The following MEIS2 variants were observed in gnomAD, a reference collection of about 807,000 sequenced individuals.
MEIS2 encodes the protein Meis homeobox 2, also known as homeobox protein Meis2.
MEIS2 carries 9 observed loss-of-function variants against 58.6 expected under a neutral mutation model. That is an observed-to-expected ratio of 0.15 (90% CI 0.09 to 0.27). The LOEUF is 0.27. MEIS2 is among the 10% of genes least tolerant of loss of function. MEIS2 has a pLI of 1.00. For missense variants in MEIS2, 427 were observed against 635.0 expected (o/e 0.67, Z 3.52); for synonymous variants, 221 against 228.4 (o/e 0.97, Z 0.29).
intron 8 of MEIS2, among the ~76,000 whole-genome samples, chr15:37,024,752 G>A (rs1225727982): frequency 6.6e-6 from 1 of 152,188 alleles, no homozygotes; most frequent in Non-Finnish European, 1.5e-5. Flanking sequence ...ATGGGCCTAT[G>A]AGATCGCCAT....
chr15:36,933,666 A>G (rs573828950), intron 9 of MEIS2, among the ~76,000 whole-genome samples: 12 of 152,260 alleles, frequency 7.9e-5, no homozygotes, highest in African/African-American at 2.4e-4. Flanking sequence ...GAAGGGATTA[A>G]CAGTGAAATC....
intron 9 of MEIS2, among the ~76,000 whole-genome samples, chr15:36,948,499 A>G (rs1333641789): frequency 1.3e-5 from 2 of 152,032 alleles, no homozygotes; most frequent in Non-Finnish European, 2.9e-5. Flanking sequence ...AAGATCAAAT[A>G]TCAATGCCAA....
chr15:37,020,044 T>A (rs1402080591), intron 8 of MEIS2, among the ~76,000 whole-genome samples: 1 of 152,174 alleles, frequency 6.6e-6, no homozygotes, highest in Non-Finnish European at 1.5e-5. Flanking sequence ...ACGCCAGGAC[T>A]GTCTACTTCC....
At chr15:37,024,609 T>C (rs1057499512) in intron 8 of MEIS2, among the ~76,000 whole-genome samples, 3 of 152,204 alleles carry the variant, frequency 2.0e-5, no homozygotes, top group African/African-American at 7.2e-5. Context: ...ATCTGAAATC[T>C]CTGTATGTAG....
intron 8 of MEIS2, among the ~76,000 whole-genome samples, chr15:37,012,579 C>T (rs992654288): frequency 8.5e-5 from 13 of 152,154 alleles, no homozygotes; most frequent in African/African-American, 3.1e-4. Flanking sequence ...CCTTACCACA[C>T]TTTGCTTGTT....
chr15:36,996,025 A>G (rs1430496713), intron 8 of MEIS2, among the ~76,000 whole-genome samples: 1 of 102,172 alleles, frequency 9.8e-6, no homozygotes, highest in South Asian at 4.0e-4. Context: ...ACATATGTGT[A>G]TATATATACA....
At chr15:37,036,120 G>T (rs533386817) in intron 8 of MEIS2, among the ~76,000 whole-genome samples, 1 of 152,250 alleles carries the variant, frequency 6.6e-6, no homozygotes, top group African/African-American at 2.4e-5. Flanking sequence ...CACATACAAG[G>T]ATTGCAAACA....
chr15:37,093,966 TAG>T (rs1004121784), intron 5 of MEIS2: 2 of 491,554 alleles, frequency 4.1e-6, no homozygotes, highest in Admixed American at 6.7e-5. Context: ...CAAGTTACAA[TAG>T]AGAGAGAAAG....
intron 8 of MEIS2, among the ~76,000 whole-genome samples, chr15:37,028,860 A>G (rs2061801275): frequency 6.6e-6 from 1 of 152,090 alleles, no homozygotes; most frequent in South Asian, 2.1e-4. Context: ...TCTGAACCTC[A>G]GCAACCTCTG....
At chr15:37,098,421 A>AGAGAGAGAGAGAGG (rs1555474176) in intron 1 of MEIS2, 3 of 1,200,780 alleles carry the variant, frequency 2.5e-6, no homozygotes, top group African/African-American at 3.2e-5. Context: ...AGAGAGAGAG[A>AGAGAGAGAGAGAGG]GAGAAAATAA....
intron 8 of MEIS2, among the ~76,000 whole-genome samples, chr15:36,971,553 A>AAGAAAAAAAAAAAAAAAG (rs1555438307): frequency 7.6e-6 from 1 of 131,994 alleles, no homozygotes; most frequent in African/African-American, 3.4e-5. Flanking sequence ...AAAAAAAAAA[A>AAGAAAAAAAAAAAAAAAG]AAAAAAAAAA....
intron 8 of MEIS2, among the ~76,000 whole-genome samples, chr15:37,030,638 G>A (rs2061878567): frequency 7.5e-6 from 1 of 134,206 alleles, no homozygotes; most frequent in Admixed American, 8.4e-5. Flanking sequence ...CCCCCAGCCT[G>A]GATATTATTA....
At chr15:37,068,556 G>A (rs938857358) in intron 7 of MEIS2, among the ~76,000 whole-genome samples, 4 of 152,100 alleles carry the variant, frequency 2.6e-5, no homozygotes, top group South Asian at 4.1e-4. Flanking sequence ...TGAGCACTCC[G>A]CACTCATTAT....
chr15:36,908,080 A>G (rs1052093250), intron 9 of MEIS2, among the ~76,000 whole-genome samples: 8 of 152,226 alleles, frequency 5.3e-5, no homozygotes, highest in Non-Finnish European at 8.8e-5. Flanking sequence ...TCATGAATAC[A>G]TGACTTAATA....
chr15:37,099,690 T>G lies in MEIS2; in HGVS notation c.-224A>C. On this transcript the variant is annotated 5_prime_UTR_variant, in exon 1 of 12. Coordinates refer to ENST00000561208, the MANE Select transcript of MEIS2 (RefSeq NM_170675.5). ...CTTCTTTTTCTCTTTTTTCCTCTTC[T>G]TCCTCCTCCTCCTGATCTTCCTCCT... is the stretch of plus-strand genomic sequence containing the variant. 1 of 496,274 alleles carries G rather than the reference T, an allele frequency of 2.0e-6. No homozygotes were observed. Among genetic ancestry groups the G allele is most frequent in the Non-Finnish European group, 3.5e-6 (1 of 284,504 alleles). The allele number at this position is 496,274 out of a possible 1,614,324, so 30.7% of individuals were successfully genotyped here.
chr15:36,970,403 CA>C (rs35719378), intron 8 of MEIS2, among the ~76,000 whole-genome samples: 85 of 135,704 alleles, frequency 6.3e-4, no homozygotes, highest in Middle Eastern at 4.0e-3. Context: ...GACTCCGTCT[CA>C]AAAAAAAAAA....
chr15:36,922,449 T>G (rs1409462703), intron 9 of MEIS2, among the ~76,000 whole-genome samples: 1 of 151,338 alleles, frequency 6.6e-6, no homozygotes, highest in Admixed American at 6.6e-5. Context: ...TCATTTTACG[T>G]TTTAACTACT....
chr15:36,920,137 T>C (rs929859332), intron 9 of MEIS2, among the ~76,000 whole-genome samples: 11 of 151,474 alleles, frequency 7.3e-5, no homozygotes, highest in East Asian at 1.9e-4. Flanking sequence ...TTTATTTATT[T>C]ATTTATTTAT....
At chr15:36,909,465 C>G (rs1478452700) in intron 9 of MEIS2, among the ~76,000 whole-genome samples, 1 of 152,036 alleles carries the variant, frequency 6.6e-6, no homozygotes, top group Non-Finnish European at 1.5e-5. Context: ...AATAAAAGAG[C>G]CCTGAGTTTA....
Sources: allele counts gnomAD v4.1 joint callset (sites outside exome capture counted in the v4.1 genomes callset), GRCh38; gene constraint gnomAD v4.1.1; transcripts MANE v1.5; gene names NCBI Gene and HGNC (gene_info 2026-07-23, HGNC 2026-07-21).